The following HABP4 variants were observed in gnomAD, a reference collection of about 807,000 sequenced individuals.
HABP4 encodes the protein intracellular hyaluronan-binding protein 4.
Under a neutral mutation model 44.1 loss-of-function variants are expected in HABP4, and 32 were observed. That is an observed-to-expected ratio of 0.73 (90% CI 0.55 to 0.97). HABP4 has a LOEUF of 0.97. Among genes scored for constraint, HABP4 ranks in the 50% least tolerant of loss-of-function variants. The pLI, the probability that HABP4 is intolerant of heterozygous loss-of-function variation, is 0.00. For synonymous variants in HABP4, 216 were observed against 218.0 expected (o/e 0.99, Z 0.08); for missense variants, 503 against 561.9 (o/e 0.90, Z 1.06).
intron 5 of HABP4, among the ~76,000 whole-genome samples, chr9:96,482,285 C>A (rs1255673114): frequency 2.0e-5 from 3 of 152,136 alleles, no homozygotes; most frequent in Non-Finnish European, 2.9e-5. Flanking sequence ...CCATTTAACA[C>A]TAACTCCCCA....
At position 96,450,564 on chromosome 9, in the gene HABP4, C is replaced by G; in HGVS notation, c.285C>G (p.Arg95=). Residue 95 remains arginine, a synonymous_variant, in exon 1 of 8, where the codon CGC becomes CGG. Transcript: ENST00000375249. This position sits in a 1 kb window ranked among gnomAD's most constrained non-coding sequence, Gnocchi z 4.8. ...AGGRRESQKE[R]KSLPAPVAQR... ...GCCGGAGGGAGTCGCAGAAGGAGCGCAAGAGCCTCCCGGCGCCCGTCGCTC... is the reference window on the plus strand; with the variant it reads ...GCCGGAGGGAGTCGCAGAAGGAGCGGAAGAGCCTCCCGGCGCCCGTCGCTC... 7.8e-7 allele frequency: 1 copy of G among 1,276,688 alleles called. No individual in the cohort carries two copies. Among genetic ancestry groups the G allele is most frequent in the Non-Finnish European group, 9.9e-7 (1 of 1,011,972 alleles). The allele number at this position is 1,276,688 out of a possible 1,614,324, so 79.1% of individuals were successfully genotyped here.
intron 4 of HABP4, among the ~76,000 whole-genome samples, chr9:96,470,222 T>C (rs947293468): frequency 3.9e-5 from 6 of 152,034 alleles, no homozygotes; most frequent in Non-Finnish European, 7.4e-5. Context: ...GGTGGGAAGT[T>C]CTCTTGAGCC....
intron 7 of HABP4, 147 bp from the exon 8 acceptor site, chr9:96,489,835 A>G: frequency 4.5e-6 from 3 of 673,076 alleles, no homozygotes. Context: ...CTGGGTTAGC[A>G]GTGACCTGTG....
chr9:96,460,279 C>T (rs919426509), intron 2 of HABP4, among the ~76,000 whole-genome samples: 4 of 152,102 alleles, frequency 2.6e-5, no homozygotes, highest in South Asian at 2.1e-4. Context: ...AAGAATTATA[C>T]GAAGAATTTC....
intron 2 of HABP4, among the ~76,000 whole-genome samples, chr9:96,459,628 G>A (rs1450149269): frequency 6.6e-6 from 1 of 152,188 alleles, no homozygotes; most frequent in South Asian, 2.1e-4. Flanking sequence ...TGTCAAGGGA[G>A]CCATTTTTCC....
In HABP4 at chr9:96,482,291, C is replaced by T. The variant is rs529226306; in HGVS notation, c.828-2171C>T. On this transcript the variant is annotated intron_variant, in intron 5 of 7. Transcript: ENST00000375249. Reference sequence around the variant, plus strand: ...ACTCTATATCCATTTAACACTAACTCCCCATTTCTCCTCAGCATGTAGTAA... The same window carrying T: ...ACTCTATATCCATTTAACACTAACTTCCCATTTCTCCTCAGCATGTAGTAA... Among the ~76,000 whole-genome samples the T allele has an allele frequency of 2.0e-5, 3 of 152,254 alleles. No homozygotes were observed. The South Asian group carries it at 6.2e-4, about 32-fold the overall frequency.
At position 96,490,677 on chromosome 9, in the gene HABP4, T is replaced by C. The variant is rs934774747; in HGVS notation, c.*639T>C. Reference sequence around the variant, plus strand: ...TTTAAACTACCTCGTGGTTTCTGTGTGTGTGCACACACACATCTAGTGTTT... The same window carrying C: ...TTTAAACTACCTCGTGGTTTCTGTGCGTGTGCACACACACATCTAGTGTTT... On this transcript the variant is annotated 3_prime_UTR_variant, in exon 8 of 8. Coordinates refer to ENST00000375249, the MANE Select transcript of HABP4 (RefSeq NM_014282.4). 2.0e-5 allele frequency: 3 copies of C among 152,252 alleles called. No homozygotes were observed. Among genetic ancestry groups the C allele is most frequent in the Admixed American group, 2.0e-4 (3 of 15,288 alleles). The allele number at this position is 152,252 out of a possible 1,614,324, so 9.4% of individuals were successfully genotyped here. A position where few individuals can be genotyped will look rare whatever the true frequency, so the allele number is the denominator to read the frequency against.
At chr9:96,469,034 T>G (rs1309619981) in intron 4 of HABP4, among the ~76,000 whole-genome samples, 1 of 152,218 alleles carries the variant, frequency 6.6e-6, no homozygotes, top group African/African-American at 2.4e-5. Flanking sequence ...TTGAAGACGC[T>G]GACAGCAATA....
At chr9:96,470,823 G>C (rs1336178614) in intron 4 of HABP4, among the ~76,000 whole-genome samples, 188 bp from the exon 5 acceptor site, 2 of 151,400 alleles carry the variant, frequency 1.3e-5, no homozygotes, top group Admixed American at 1.3e-4. Context: ...CTTAAACCTG[G>C]GAGGGAGGTT....
intron 5 of HABP4, among the ~76,000 whole-genome samples, chr9:96,482,004 C>T (rs1832889096): frequency 6.6e-6 from 1 of 150,396 alleles, no homozygotes; most frequent in Non-Finnish European, 1.5e-5. Flanking sequence ...GGTGCGATCT[C>T]GGCTCACTGC....
intron 5 of HABP4, among the ~76,000 whole-genome samples, chr9:96,480,110 G>T (rs1269127509): frequency 6.6e-6 from 1 of 152,144 alleles, no homozygotes; most frequent in African/African-American, 2.4e-5. Context: ...AGGAGGTGGA[G>T]GTTGCAGTGA....
chr9:96,458,240 T>C lies in HABP4; in HGVS notation c.350-139T>C. 5.7e-6 allele frequency: 5 copies of C among 870,602 alleles called. No individual in the cohort carries two copies. In the South Asian group the frequency reaches 7.5e-5, roughly 13 times the overall value. 53.9% of individuals were successfully genotyped at this position (870,602 alleles called of 1,614,324 possible). On this transcript the variant is annotated intron_variant, in intron 1 of 7. Coordinates refer to ENST00000375249, the MANE Select transcript of HABP4 (RefSeq NM_014282.4). ...GTTGTAGTATCAGCAACTTTTTTCT[T>C]TGAAGTTTTCTAAACTTCCTGAATT... is the stretch of plus-strand genomic sequence containing the variant.
intron 1 of HABP4, among the ~76,000 whole-genome samples, chr9:96,455,627 G>A (rs1292502583): frequency 1.3e-5 from 2 of 151,534 alleles, no homozygotes; most frequent in Non-Finnish European, 2.9e-5. Context: ...TGACCTGGGT[G>A]TGGTGGCAGG....
rs1833007299 is a variant in HABP4 at position 96,488,129 on chromosome 9, G to A, written c.1040G>A (p.Arg347Gln). 1.9e-6 allele frequency: 3 copies of A among 1,613,644 alleles called. No homozygotes were observed. Among genetic ancestry groups the A allele is most frequent in the Non-Finnish European group, 2.5e-6 (3 of 1,179,568 alleles). The change falls in exon 7 of 8, where the codon CGG becomes CAG. Residue 347 changes from arginine (R) to glutamine (Q), a missense_variant. By Grantham distance (43) the Arg-to-Gln change is conservative (BLOSUM62 1). Coordinates refer to ENST00000375249, the MANE Select transcript of HABP4 (RefSeq NM_014282.4). This position sits in a 1 kb window ranked among gnomAD's most constrained non-coding sequence, Gnocchi z 4.6. ...DDYEDDSHVF[R>Q]KPANDITSQL... is the part of the protein sequence containing the mutation. ...TATGAGGACGATTCCCATGTTTTCC[G>A]GAAACCCGCCAATGACATCACATCC...
At chr9:96,460,601 C>T (rs748597387) in intron 2 of HABP4, among the ~76,000 whole-genome samples, 2 of 152,238 alleles carry the variant, frequency 1.3e-5, no homozygotes, top group African/African-American at 2.4e-5. Context: ...CCACTCCAGG[C>T]AAATGCATTG....
chr9:96,471,758 G>A (rs1162866119), intron 5 of HABP4, among the ~76,000 whole-genome samples: 1 of 151,698 alleles, frequency 6.6e-6, no homozygotes, highest in Non-Finnish European at 1.5e-5. Flanking sequence ...CTTAGATACC[G>A]GCTCCGTCTC....
chr9:96,473,129 T>C (rs1375609145), intron 5 of HABP4, among the ~76,000 whole-genome samples: 2 of 152,210 alleles, frequency 1.3e-5, no homozygotes, highest in Admixed American at 1.3e-4. Context: ...TGACTTAAAT[T>C]GTCGTTTACA....
At chr9:96,475,434 CATTTGCTGTATGCCAAG>C (rs1238235354) in intron 5 of HABP4, among the ~76,000 whole-genome samples, 1 of 150,332 alleles carries the variant, frequency 6.7e-6, no homozygotes, top group East Asian at 1.9e-4. Flanking sequence ...ATTTTTAGAG[CATTTGCTGTATGCCAAG>C]AACTGCTGTA....
At chr9:96,469,949 A>T (rs1399444684) in intron 4 of HABP4, among the ~76,000 whole-genome samples, 1 of 152,100 alleles carries the variant, frequency 6.6e-6, no homozygotes, top group African/African-American at 2.4e-5. Context: ...ATTCATTTAT[A>T]AAATAGGTCA....
Sources: allele counts gnomAD v4.1 joint callset (sites outside exome capture counted in the v4.1 genomes callset), GRCh38; gene constraint gnomAD v4.1.1; non-coding constraint Gnocchi (gnomAD v3.1); transcripts MANE v1.5; gene names NCBI Gene and HGNC (gene_info 2026-07-23, HGNC 2026-07-21).